Variants in PAPPA observed in about 807,000 individuals in gnomAD.
PAPPA encodes the protein pappalysin-1.
PAPPA carries 60 observed loss-of-function variants against 164.0 expected under a neutral mutation model. The observed-to-expected ratio is 0.37, with a 90% CI of 0.30 to 0.45. The LOEUF (loss-of-function observed/expected upper bound fraction) is 0.45. Among genes scored for constraint, PAPPA ranks in the 20% least tolerant of loss-of-function variants. The pLI is 1.00. For synonymous variants in PAPPA, 875 were observed against 814.1 expected, an observed-to-expected ratio of 1.07 and a Z score of -1.27; for missense variants, 1,782 against 2,087.3, an observed-to-expected ratio of 0.85 and a Z score of 2.85.
chr9:116,253,263 C>G (rs1587973070), intron 7 of PAPPA, among the ~76,000 whole-genome samples: 2 of 152,178 alleles, frequency 1.3e-5, no homozygotes, highest in East Asian at 3.8e-4. Flanking sequence ...GTGTTACAAT[C>G]ACACTCTACT....
chr9:116,331,749 T>C (rs1845994065), intron 11 of PAPPA, among the ~76,000 whole-genome samples: 1 of 152,202 alleles, frequency 6.6e-6, no homozygotes, highest in Admixed American at 6.5e-5. Context: ...TACAGAACTG[T>C]CTATGGTCTT....
chr9:116,345,654 C>G (rs1314598830), intron 14 of PAPPA, among the ~76,000 whole-genome samples: 1 of 152,114 alleles, frequency 6.6e-6, no homozygotes, highest in African/African-American at 2.4e-5. Context: ...TCTAGATACT[C>G]CATGTGGGTG....
intron 2 of PAPPA, among the ~76,000 whole-genome samples, chr9:116,203,267 T>C (rs892399316): frequency 3.3e-5 from 5 of 152,244 alleles, no homozygotes; most frequent in African/African-American, 1.2e-4. Context: ...CTGTATTAGA[T>C]ATATGACCTT....
intron 13 of PAPPA, among the ~76,000 whole-genome samples, chr9:116,340,428 G>C (rs531228457): frequency 7.9e-5 from 12 of 152,340 alleles, no homozygotes; most frequent in Middle Eastern, 3.4e-3. Flanking sequence ...TTCTTTCCAA[G>C]CTGAGTGCCC....
intron 10 of PAPPA, among the ~76,000 whole-genome samples, chr9:116,322,875 C>T (rs892189379): frequency 6.6e-6 from 1 of 152,162 alleles, no homozygotes; most frequent in Non-Finnish European, 1.5e-5. Context: ...CACTCCTCCT[C>T]CCCATTCCTT....
intron 2 of PAPPA, among the ~76,000 whole-genome samples, chr9:116,204,808 C>G (rs1282586977): frequency 6.6e-6 from 1 of 152,170 alleles, no homozygotes; most frequent in Non-Finnish European, 1.5e-5. Context: ...TGGCCATTTT[C>G]CTTCTCTCAC....
rs539311436 is a variant in PAPPA, at chr9:116,248,780, T to C, written c.2732+13143T>C. The stretch of plus-strand genomic sequence containing the variant: ...CATGTAGATGGTCAATAAATACAGA[T>C]AAATAAATGCATGCATGCATGAATA... On this transcript the variant is annotated intron_variant, in intron 7 of 21. Transcript: ENST00000328252. 2.1e-4 allele frequency among the ~76,000 whole-genome samples: 32 copies of C among 152,312 alleles called. No individual in the cohort carries two copies. The South Asian group carries it at 2.3e-3, about 11-fold the overall frequency.
At chr9:116,297,438 C>T (rs7021950) in intron 9 of PAPPA, among the ~76,000 whole-genome samples, 15,524 of 152,158 alleles carry the variant, frequency 0.1, 852 homozygotes, top group South Asian at 0.16. Context: ...TGAGAAGACA[C>T]GAATAATTTA....
chr9:116,212,300 A>G (rs1241339840), intron 4 of PAPPA, among the ~76,000 whole-genome samples: 1 of 152,146 alleles, frequency 6.6e-6, no homozygotes, highest in East Asian at 1.9e-4. Context: ...GAAAATTATG[A>G]CATGAGATTG....
At chr9:116,186,263 T>TATATAGATATAG (rs10612680) in intron 1 of PAPPA, among the ~76,000 whole-genome samples, 79 of 148,954 alleles carry the variant, frequency 5.3e-4, no homozygotes, top group African/African-American at 1.5e-3. Flanking sequence ...TCTATATAGA[T>TATATAGATATAG]ATATAGATAT....
chr9:116,238,143 C>A (rs755357146), intron 7 of PAPPA, among the ~76,000 whole-genome samples: 4 of 152,056 alleles, frequency 2.6e-5, no homozygotes, highest in African/African-American at 9.7e-5. Flanking sequence ...TAAGGCCTGA[C>A]CATTAGAACT....
At position 116,400,566 on chromosome 9, in the gene PAPPA, T is replaced by C. The variant is rs1847036911; in HGVS notation, c.*3950T>C. On this transcript the variant is annotated 3_prime_UTR_variant, in exon 22 of 22. Coordinates refer to ENST00000328252, the MANE Select transcript of PAPPA (RefSeq NM_002581.5). ...TATTTACCAGTACAGCACTGGGCTT[T>C]ATAAAGACTGCACTCAGAACCACAC... 1.3e-5 allele frequency: 2 copies of C among 152,090 alleles called. No homozygotes were observed. Among genetic ancestry groups the C allele is most frequent in the African/African-American group, 2.4e-5 (1 of 41,440 alleles). The allele number at this position is 152,090 out of a possible 1,614,324, so 9.4% of individuals were successfully genotyped here.
At chr9:116,159,469 C>G (rs1336674863) in intron 1 of PAPPA, among the ~76,000 whole-genome samples, 1 of 152,132 alleles carries the variant, frequency 6.6e-6, no homozygotes, top group Non-Finnish European at 1.5e-5. Flanking sequence ...CTTCAAATAC[C>G]TTTCTTTCAA....
intron 10 of PAPPA, among the ~76,000 whole-genome samples, chr9:116,314,812 C>A (rs778888834): frequency 6.6e-5 from 10 of 152,314 alleles, no homozygotes; most frequent in Middle Eastern, 3.4e-3. Flanking sequence ...ATATCCCTCC[C>A]CTGACAACCT....
intron 9 of PAPPA, chr9:116,287,150 T>A (rs1481188345): frequency 6.6e-6 from 1 of 152,236 alleles, no homozygotes; most frequent in African/African-American, 2.4e-5. Context: ...AAAATGGGGA[T>A]AATAATAGGA....
At chr9:116,156,774 A>G (rs912182414) in intron 1 of PAPPA, among the ~76,000 whole-genome samples, 1 of 152,188 alleles carries the variant, frequency 6.6e-6, no homozygotes, top group Non-Finnish European at 1.5e-5. Flanking sequence ...AGGCTGTTGG[A>G]CTAAAAAGAA....
intron 7 of PAPPA, among the ~76,000 whole-genome samples, chr9:116,241,098 C>T (rs952795554): frequency 6.6e-6 from 1 of 151,990 alleles, no homozygotes; most frequent in Non-Finnish European, 1.5e-5. Context: ...CTTGTGAGTC[C>T]AAATTTTACA....
intron 2 of PAPPA, among the ~76,000 whole-genome samples, chr9:116,203,801 T>C (rs917631733): frequency 1.3e-5 from 2 of 152,172 alleles, no homozygotes; most frequent in African/African-American, 4.8e-5. Context: ...AGCTGGACTT[T>C]GCAGGGTTCA....
At chr9:116,359,314 TC>T (rs1244409850) in intron 17 of PAPPA, among the ~76,000 whole-genome samples, 1 of 152,220 alleles carries the variant, frequency 6.6e-6, no homozygotes, top group Non-Finnish European at 1.5e-5. Context: ...TGCCTTCAGC[TC>T]TCCGTGGATC....
Sources: gnomAD v4.1 joint callset for allele counts (sites outside exome capture counted in the v4.1 genomes callset) on GRCh38, gnomAD v4.1.1 for gene constraint, MANE v1.5 for transcripts, NCBI Gene and HGNC (gene_info 2026-07-23, HGNC 2026-07-21) for gene names.